Variants in NDST4 observed in about 807,000 individuals in gnomAD.
The protein encoded by NDST4 is N-deacetylase and N-sulfotransferase 4, also known as N-heparan sulfate sulfotransferase 4.
Under a neutral mutation model 100.8 loss-of-function variants are expected in NDST4, and 63 were observed. The ratio of observed to expected loss-of-function variants is 0.62; its 90% CI spans 0.51 to 0.77. NDST4 has a LOEUF of 0.77. NDST4 is among the 30% of genes least tolerant of loss of function. The pLI is 0.00. For missense variants in NDST4, 943 were observed against 1,018.4 expected (o/e 0.93, Z 1.01); for synonymous variants, 377 against 361.8 (o/e 1.04, Z -0.48).
In NDST4 at chr4:114,847,416, A is replaced by AAAAAAAAAAAAAT. The variant is rs1391736224; in HGVS notation, c.1940+798_1940+799insATTTTTTTTTTTT. Among the ~76,000 whole-genome samples the AAAAAAAAAAAAAT allele has an allele frequency of 1.4e-4, 14 of 103,640 alleles. 2 individuals are homozygous for AAAAAAAAAAAAAT. The highest frequency in any genetic ancestry group is 5.5e-4 in the East Asian group (2 of 3,662). The allele number at this position is 103,640 out of a possible 152,430, so 68.0% of individuals were successfully genotyped here. Reference sequence around the variant, plus strand: ...AAAAAAAAAAAAAAAAAAAAAAAAAAGTGTCTTTCATTGCAAACAGGTTCA... The same window carrying AAAAAAAAAAAAAT: ...AAAAAAAAAAAAAAAAAAAAAAAAAAAAAAAAAAAAAATGTGTCTTTCATTGCAAACAGGTTCA... On this transcript the variant is annotated intron_variant, in intron 9 of 13. Transcript: ENST00000264363.
chr4:114,976,921 C>T (rs1254390801), intron 3 of NDST4, among the ~76,000 whole-genome samples: 1 of 151,668 alleles, frequency 6.6e-6, no homozygotes, highest in African/African-American at 2.4e-5. Context: ...AAACAAGATG[C>T]ACAGTCATAC....
chr4:115,061,783 G>T (rs1728830002), intron 2 of NDST4, among the ~76,000 whole-genome samples: 1 of 151,896 alleles, frequency 6.6e-6, no homozygotes, highest in African/African-American at 2.4e-5. Flanking sequence ...AGAACTTAAA[G>T]TATAATTTTA....
chr4:115,046,864 A>C (rs1354416884), intron 2 of NDST4, among the ~76,000 whole-genome samples: 1 of 152,170 alleles, frequency 6.6e-6, no homozygotes, highest in African/African-American at 2.4e-5. Flanking sequence ...GAGCAAATCA[A>C]AGAGAAAATT....
At chr4:115,021,926 C>G (rs898259499) in intron 2 of NDST4, among the ~76,000 whole-genome samples, 37 of 151,764 alleles carry the variant, frequency 2.4e-4, no homozygotes, top group African/African-American at 9.0e-4. Flanking sequence ...TGTTCCACAT[C>G]TATACACATT....
intron 4 of NDST4, among the ~76,000 whole-genome samples, chr4:114,954,042 A>C (rs569577020): frequency 9.2e-5 from 14 of 152,088 alleles, no homozygotes; most frequent in African/African-American, 3.4e-4. Flanking sequence ...AGACTATTTT[A>C]CTGATCACAA....
chr4:114,905,806 T>C (rs1048352655), intron 6 of NDST4, among the ~76,000 whole-genome samples: 1 of 152,066 alleles, frequency 6.6e-6, no homozygotes, highest in African/African-American at 2.4e-5. Flanking sequence ...CAGAGAATTT[T>C]GTATCAGCTG....
chr4:114,977,076 C>T, intron 3 of NDST4, 111 bp downstream of exon 3: 2 of 670,346 alleles, frequency 3.0e-6, no homozygotes, highest in Non-Finnish European at 2.5e-6. Flanking sequence ...ATAATGTGCC[C>T]AAGTTTTTCC....
intron 6 of NDST4, among the ~76,000 whole-genome samples, chr4:114,907,959 T>C (rs1435699797): frequency 1.3e-5 from 2 of 152,318 alleles, no homozygotes; most frequent in East Asian, 3.9e-4. Context: ...AAGTTTAGAC[T>C]TTCTCTTAAA....
At chr4:115,033,353 T>C (rs1416935424) in intron 2 of NDST4, among the ~76,000 whole-genome samples, 1 of 151,376 alleles carries the variant, frequency 6.6e-6, no homozygotes, top group Non-Finnish European at 1.5e-5. Context: ...TGGGCTCAAG[T>C]GATCTGCCCA....
chr4:114,946,022 G>T (rs1042530862), intron 4 of NDST4, among the ~76,000 whole-genome samples: 15 of 152,144 alleles, frequency 9.9e-5, no homozygotes, highest in African/African-American at 3.4e-4. Context: ...TGAACTTTCC[G>T]ATCCTAAGTA....
intron 1 of NDST4, among the ~76,000 whole-genome samples, chr4:115,077,640 C>T (rs963697385): frequency 2.6e-5 from 4 of 152,066 alleles, no homozygotes; most frequent in Admixed American, 6.6e-5. Flanking sequence ...GAACTGATAA[C>T]CATTATATAC....
intron 2 of NDST4, among the ~76,000 whole-genome samples, chr4:115,074,175 T>G (rs1053798712): frequency 1.3e-5 from 2 of 151,958 alleles, no homozygotes; most frequent in African/African-American, 4.8e-5. Context: ...CTTTGTTAAA[T>G]TATTGTATTC....
intron 2 of NDST4, among the ~76,000 whole-genome samples, chr4:115,056,052 G>A (rs1010148769): frequency 6.6e-6 from 1 of 152,048 alleles, no homozygotes; most frequent in African/African-American, 2.4e-5. Context: ...GTTGCATTAT[G>A]ATTATATTAC....
At chr4:115,040,412 T>C (rs2126273857) in intron 2 of NDST4, among the ~76,000 whole-genome samples, 1 of 151,056 alleles carries the variant, frequency 6.6e-6, no homozygotes, top group Middle Eastern at 3.4e-3. Context: ...TTGAAATTAT[T>C]ATTCTAAGAC....
intron 2 of NDST4, among the ~76,000 whole-genome samples, chr4:115,054,090 A>C (rs1173260244): frequency 6.6e-6 from 1 of 151,882 alleles, no homozygotes; most frequent in Admixed American, 6.6e-5. Flanking sequence ...CAGATTATTA[A>C]AGTTTTAAAA....
chr4:114,862,559 A>G (rs1233920159), intron 7 of NDST4, among the ~76,000 whole-genome samples: 1 of 152,158 alleles, frequency 6.6e-6, no homozygotes, highest in East Asian at 1.9e-4. Context: ...GTTGAATGTC[A>G]AAGTCTTATT....
At chr4:114,831,606 G>T (rs949683755) in intron 12 of NDST4, among the ~76,000 whole-genome samples, 13 of 152,226 alleles carry the variant, frequency 8.5e-5, no homozygotes, top group African/African-American at 3.1e-4. Flanking sequence ...AGGTAATGCC[G>T]AGGTCTCAGG....
chr4:115,005,093 G>A (rs2126257596), intron 2 of NDST4, among the ~76,000 whole-genome samples: 1 of 152,112 alleles, frequency 6.6e-6, no homozygotes, highest in Middle Eastern at 3.4e-3. Flanking sequence ...TACCTATTAT[G>A]TGATTGTCAC....
intron 2 of NDST4, among the ~76,000 whole-genome samples, chr4:115,013,370 T>TACAC (rs1553961183): frequency 2.0e-4 from 14 of 71,468 alleles, no homozygotes; most frequent in African/African-American, 2.9e-4. Flanking sequence ...TATATATATA[T>TACAC]ACACACACAT....
Sources: gnomAD v4.1 joint callset for allele counts (sites outside exome capture counted in the v4.1 genomes callset) on GRCh38, gnomAD v4.1.1 for gene constraint, MANE v1.5 for transcripts, NCBI Gene and HGNC (gene_info 2026-07-23, HGNC 2026-07-21) for gene names.